Variants in DNAH3 observed in about 807,000 individuals in gnomAD.
DNAH3 encodes dynein axonemal heavy chain 3, also known as axonemal beta dynein heavy chain 3.
DNAH3 carries 332 observed loss-of-function variants against 432.5 expected under a neutral mutation model. The observed-to-expected ratio is 0.77, with a 90% CI of 0.70 to 0.84. DNAH3 has a LOEUF of 0.84. Among genes scored for constraint, DNAH3 ranks in the 40% least tolerant of loss-of-function variants. The pLI is 0.00. For synonymous variants in DNAH3, 1,956 were observed against 1,900.2 expected (o/e 1.03, Z -0.76); for missense variants, 4,861 against 5,114.0 (o/e 0.95, Z 1.51).
exon 53 of DNAH3, chr16:20,964,186 T>G: frequency 1.9e-6 from 3 of 1,614,154 alleles, no homozygotes; most frequent in Non-Finnish European, 2.5e-6. Context: ...CTTGAGATGC[T>G]TCTTGTTCTT....
chr16:20,976,088 C>G (rs752642510), intron 50 of DNAH3, among the ~76,000 whole-genome samples: 1 of 151,570 alleles, frequency 6.6e-6, no homozygotes, highest in Non-Finnish European at 1.5e-5. Flanking sequence ...GGCTTGTAAT[C>G]CCAGCAATTT....
At chr16:21,144,403 G>A (rs922792053) in intron 3 of DNAH3, among the ~76,000 whole-genome samples, 7 of 152,154 alleles carry the variant, frequency 4.6e-5, no homozygotes, top group South Asian at 2.1e-4. Flanking sequence ...GGAGAGACCC[G>A]TGTGGCAAGA....
intron 41 of DNAH3, among the ~76,000 whole-genome samples, chr16:21,011,070 G>C (rs558632734): frequency 2.6e-5 from 4 of 152,036 alleles, no homozygotes; most frequent in Non-Finnish European, 5.9e-5. Flanking sequence ...GTGGACAGGA[G>C]ATATTATAAG....
At chr16:21,085,527 CAAAAAAAAA>C (rs34136946) in intron 19 of DNAH3, among the ~76,000 whole-genome samples, 1 of 81,324 alleles carries the variant, frequency 1.2e-5, no homozygotes, top group African/African-American at 4.7e-5. Flanking sequence ...GATTCCACCT[CAAAAAAAAA>C]AAAAAAAAAA....
At chr16:21,025,232 G>A (rs1405294209) in intron 38 of DNAH3, among the ~76,000 whole-genome samples, 4 of 151,790 alleles carry the variant, frequency 2.6e-5, no homozygotes, top group South Asian at 4.2e-4. Flanking sequence ...GAGCCACCTC[G>A]CCCGGCCTGT....
chr16:21,152,799 G>A (rs961599301), intron 1 of DNAH3, among the ~76,000 whole-genome samples: 19 of 152,240 alleles, frequency 1.2e-4, no homozygotes, highest in African/African-American at 4.1e-4. Context: ...CCGGCGCTGC[G>A]CTCCATTTCT....
chr16:20,979,510 G>C, exon 50 of DNAH3: 2 of 1,614,108 alleles, frequency 1.2e-6, no homozygotes, highest in African/African-American at 1.3e-5. Flanking sequence ...ACAGCTTCTT[G>C]ACGCTCTCTT....
chr16:21,130,292 C>T lies in DNAH3; in HGVS notation c.1083-2480G>A, dbSNP rs540031041. ...GCGGAAACTAATAAAAAGCTCTCAT[C>T]AAGCCCTCCACTTTTTTTTTTTTTT... On this transcript the variant is annotated intron_variant, in intron 7 of 61. Coordinates refer to ENST00000261383, the Ensembl canonical transcript of DNAH3. Among the ~76,000 whole-genome samples the T allele has an allele frequency of 2.7e-5, 4 of 147,924 alleles. No homozygotes were observed. In the Admixed American group the frequency reaches 2.8e-4, roughly 10 times the overall value.
chr16:20,934,406 C>T (rs565773515), intron 61 of DNAH3, among the ~76,000 whole-genome samples: 2 of 152,142 alleles, frequency 1.3e-5, no homozygotes, highest in Non-Finnish European at 2.9e-5. Flanking sequence ...TATACCTAAC[C>T]TACAACAAAT....
At chr16:21,001,180 C>T (rs1446005861) in intron 42 of DNAH3, among the ~76,000 whole-genome samples, 1 of 152,222 alleles carries the variant, frequency 6.6e-6, no homozygotes, top group South Asian at 2.1e-4. Flanking sequence ...ACACACTTTT[C>T]CTGGTATTCA....
intron 7 of DNAH3, among the ~76,000 whole-genome samples, chr16:21,128,885 G>A (rs68050201): frequency 7.3e-4 from 54 of 73,722 alleles, no homozygotes; most frequent in African/African-American, 5.8e-4. Flanking sequence ...AAAAAAAAAA[G>A]CTTGTGGAGC....
intron 16 of DNAH3, among the ~76,000 whole-genome samples, chr16:21,099,289 G>C: frequency 6.6e-6 from 1 of 151,922 alleles, no homozygotes; most frequent in Admixed American, 6.6e-5. Flanking sequence ...TGGATGGATG[G>C]ATGAATGGAT....
At chr16:20,965,502 G>C in intron 52 of DNAH3, 77 bp from the exon 53 acceptor site, 1 of 1,269,320 alleles carries the variant, frequency 7.9e-7, no homozygotes, top group Admixed American at 2.6e-5. Context: ...GGTTACTGCT[G>C]GTATTTGAGA....
intron 54 of DNAH3, among the ~76,000 whole-genome samples, chr16:20,957,707 C>A (rs993591722): frequency 6.7e-6 from 1 of 149,230 alleles, no homozygotes; most frequent in African/African-American, 2.5e-5. Context: ...CTCAGGAGGC[C>A]GAGGCAGGAG....
At position 20,969,082 on chromosome 16, in the gene DNAH3, T is replaced by TTC. The variant is rs199635381; in HGVS notation, c.8458+708_8458+709dup. On this transcript the variant is annotated intron_variant, in intron 52 of 61. Coordinates refer to ENST00000261383, the Ensembl canonical transcript of DNAH3. ...AAGTCTCTCCCCATCTGCTTTTTCT[T>TTC]TCTCTGTGTGTGTGTGTGTGTGTGT... 8.2e-5 allele frequency among the ~76,000 whole-genome samples: 10 copies of TTC among 122,656 alleles called. No individual in the cohort carries two copies. In the East Asian group the frequency reaches 1.1e-3, roughly 13 times the overall value. The allele number at this position is 122,656 out of a possible 152,430, so 80.5% of individuals were successfully genotyped here. A position where few individuals can be genotyped will look rare whatever the true frequency, so the allele number is the denominator to read the frequency against.
At chr16:21,105,056 C>A (rs1251142797) in intron 15 of DNAH3, among the ~76,000 whole-genome samples, 1 of 152,206 alleles carries the variant, frequency 6.6e-6, no homozygotes, top group East Asian at 1.9e-4. Context: ...AAATGCCCTA[C>A]CCATTTTATG....
intron 31 of DNAH3, 37 bp downstream of exon 31, chr16:21,049,532 A>G (rs374122831): frequency 1.9e-4 from 299 of 1,578,512 alleles, no homozygotes; most frequent in Non-Finnish European, 2.4e-4. Flanking sequence ...CCCTCCATGC[A>G]CAGCTTCTTT....
chr16:20,993,966 C>G (rs966880686), intron 44 of DNAH3, among the ~76,000 whole-genome samples: 1 of 152,108 alleles, frequency 6.6e-6, no homozygotes, highest in Non-Finnish European at 1.5e-5. Context: ...ATGTAATTCT[C>G]AAAATGTTTT....
intron 53 of DNAH3, among the ~76,000 whole-genome samples, chr16:20,960,483 C>T (rs1484834427): frequency 1.3e-5 from 2 of 152,144 alleles, no homozygotes; most frequent in Non-Finnish European, 2.9e-5. Flanking sequence ...GTCAGGAATT[C>T]GAGACCAGCA....
Sources: gnomAD v4.1 joint callset for allele counts (sites outside exome capture counted in the v4.1 genomes callset) on GRCh38, gnomAD v4.1.1 for gene constraint, MANE v1.5 for transcripts, NCBI Gene and HGNC (gene_info 2026-07-23, HGNC 2026-07-21) for gene names.